The following TCEA2 variants were observed in gnomAD, a reference collection of about 807,000 sequenced individuals.
TCEA2 encodes the protein transcription elongation factor A2.
A neutral mutation model predicts 40.8 loss-of-function variants in TCEA2; 21 were observed. The observed-to-expected ratio is 0.51, with a 90% CI of 0.36 to 0.74. The LOEUF is 0.74. Ranked by LOEUF, TCEA2 falls within the 30% of genes least tolerant of loss-of-function variation. The pLI is 0.00. For synonymous variants in TCEA2, 165 were observed against 162.7 expected (o/e 1.01, Z -0.11); for missense variants, 326 against 426.5 (o/e 0.76, Z 2.08).
intron 1 of TCEA2, chr20:64,064,094 G>A (rs2059631207): frequency 6.6e-6 from 1 of 152,320 alleles, no homozygotes; most frequent in East Asian, 1.9e-4. Flanking sequence ...CAAGAACCAG[G>A]TTTCTCTAAT....
intron 1 of TCEA2, among the ~76,000 whole-genome samples, chr20:64,065,353 G>A (rs1260534057): frequency 6.6e-6 from 1 of 152,218 alleles, no homozygotes; most frequent in African/African-American, 2.4e-5. Context: ...GGTGGGACAA[G>A]CCCCTCCCAT....
At chr20:64,070,180 C>A (rs1332233498) in intron 6 of TCEA2, 80 bp from the exon 7 acceptor site, 5 of 1,578,640 alleles carry the variant, frequency 3.2e-6, no homozygotes, top group Non-Finnish European at 4.3e-6. Flanking sequence ...AGCCCCCACC[C>A]CAACATGGCC....
chr20:64,063,560 G>A (rs1601580943), intron 1 of TCEA2, 176 bp downstream of exon 1: 1 of 727,236 alleles, frequency 1.4e-6, no homozygotes, highest in South Asian at 1.8e-5. Context: ...CCCCTGCCCC[G>A]GGCCAGCCCT....
At chr20:64,070,943 C>T (rs1483225211) in intron 8 of TCEA2, among the ~76,000 whole-genome samples, 6 of 150,992 alleles carry the variant, frequency 4.0e-5, no homozygotes, top group African/African-American at 7.3e-5. Flanking sequence ...GTGGGAGGGC[C>T]GTGCTGCCTG....
chr20:64,070,006 G>T, intron 6 of TCEA2, 185 bp downstream of exon 6: 1 of 898,686 alleles, frequency 1.1e-6, no homozygotes, highest in Non-Finnish European at 1.8e-6. Flanking sequence ...CAGCTGAAGG[G>T]CTGATTCTGT....
chr20:64,061,749 C>T (rs1186835675), upstream of TCEA2, among the ~76,000 whole-genome samples: 6 of 151,480 alleles, frequency 4.0e-5, no homozygotes, highest in Admixed American at 1.3e-4. Context: ...TCTTTTGAGA[C>T]GGAGTCTCGC....
upstream of TCEA2, chr20:64,062,584 T>G (rs1033114729): frequency 6.6e-6 from 1 of 152,246 alleles, no homozygotes; most frequent in African/African-American, 2.4e-5. Context: ...GCAGGGGCCT[T>G]GCCCACGCAG....
At chr20:64,058,668 T>C (rs567646751), upstream of TCEA2, among the ~76,000 whole-genome samples, 3 of 152,362 alleles carry the variant, frequency 2.0e-5, no homozygotes, top group East Asian at 3.9e-4. This position sits in a 1 kb window ranked among gnomAD's most constrained non-coding sequence, Gnocchi z 6.7. Context: ...CACACAGTTA[T>C]GCAAATATTT....
At chr20:64,058,777 G>A (rs947048507), upstream of TCEA2, among the ~76,000 whole-genome samples, 1 of 152,208 alleles carries the variant, frequency 6.6e-6, no homozygotes, top group Non-Finnish European at 1.5e-5. This position sits in a 1 kb window ranked among gnomAD's most constrained non-coding sequence, Gnocchi z 6.7. Flanking sequence ...AGCAGCGAGT[G>A]TGGGGGTGCG....
At chr20:64,069,291 C>G in intron 4 of TCEA2, 70 bp from the exon 5 acceptor site, 1 of 1,500,448 alleles carries the variant, frequency 6.7e-7, no homozygotes, top group Middle Eastern at 1.8e-4. Flanking sequence ...CCTGCTGCTT[C>G]TAGGACCAGT....
intron 8 of TCEA2, among the ~76,000 whole-genome samples, chr20:64,071,077 C>G (rs1423369666): frequency 1.2e-4 from 18 of 152,202 alleles, no homozygotes; most frequent in Admixed American, 1.2e-3. Flanking sequence ...CGGCTGGGTG[C>G]AGTGGCTCAC....
At position 64,070,184 on chromosome 20, in the gene TCEA2, C is replaced by T. The variant is rs1457601729; in HGVS notation, c.518-76C>T. 1.0e-5 allele frequency: 16 copies of T among 1,581,160 alleles called. No individual in the cohort carries two copies. The East Asian group carries it at 1.1e-4, about 11-fold the overall frequency. ...AGAACCTTTCCAGCCCCCACCCCAA[C>T]ATGGCCCCCAGCGGGGCAGGTGGTA... is the stretch of plus-strand genomic sequence containing the variant. On this transcript the variant is annotated intron_variant, in intron 6 of 9. Coordinates refer to ENST00000343484, the MANE Select transcript of TCEA2 (RefSeq NM_003195.6).
chr20:64,072,216 C>T lies in TCEA2; in HGVS notation c.*36C>T. The T allele has an allele frequency of 1.9e-6, 3 of 1,602,566 alleles. No individual in the cohort carries two copies. Among genetic ancestry groups the T allele is most frequent in the Non-Finnish European group, 2.6e-6 (3 of 1,171,482 alleles). ...AGATGTGCTGCAGCCTTGGGCCCTCCCCGGCCCACGTCCTCCGTTGACACA... is the reference window on the plus strand; with the variant it reads ...AGATGTGCTGCAGCCTTGGGCCCTCTCCGGCCCACGTCCTCCGTTGACACA... On this transcript the variant is annotated 3_prime_UTR_variant, in exon 10 of 10. Coordinates refer to ENST00000343484, the MANE Select transcript of TCEA2 (RefSeq NM_003195.6).
chr20:64,066,106 G>A (rs1415698775), intron 1 of TCEA2: 1 of 182,924 alleles, frequency 5.5e-6, no homozygotes, highest in East Asian at 1.5e-4. Context: ...GCTGGGGAGG[G>A]GCCGTGGCTC....
chr20:64,072,046 A>G, intron 9 of TCEA2, 105 bp downstream of exon 9: 1 of 1,595,374 alleles, frequency 6.3e-7, no homozygotes, highest in Non-Finnish European at 8.6e-7. Flanking sequence ...GCCCTGCCCA[A>G]CCAGCCTCCT....
chr20:64,060,752 G>T (rs2059545183), upstream of TCEA2, among the ~76,000 whole-genome samples: 1 of 151,988 alleles, frequency 6.6e-6, no homozygotes, highest in Admixed American at 6.6e-5. Context: ...TCTTAGAAAG[G>T]CTTTGCTCCT....
chr20:64,056,915 G>GC (rs1353905463), upstream of TCEA2: 1 of 152,240 alleles, frequency 6.6e-6, no homozygotes, highest in African/African-American at 2.4e-5. Context: ...TCAGGACAGG[G>GC]CCCCGTTGCC....
At chr20:64,068,847 C>G (rs1394145794) in intron 4 of TCEA2, among the ~76,000 whole-genome samples, 2 of 152,246 alleles carry the variant, frequency 1.3e-5, no homozygotes, top group Non-Finnish European at 2.9e-5. Context: ...GAGGGGCATC[C>G]TTCTCCCATT....
chr20:64,059,334 C>T (rs1229694396), upstream of TCEA2, among the ~76,000 whole-genome samples: 2 of 152,192 alleles, frequency 1.3e-5, no homozygotes, highest in Non-Finnish European at 2.9e-5. Context: ...CCCGACCGCC[C>T]CCCACCAGCT....
Sources: gnomAD v4.1 joint callset for allele counts (sites outside exome capture counted in the v4.1 genomes callset) on GRCh38, gnomAD v4.1.1 for gene constraint, Gnocchi (gnomAD v3.1) non-coding constraint, MANE v1.5 for transcripts, NCBI Gene and HGNC (gene_info 2026-07-23, HGNC 2026-07-21) for gene names.